The following KIF24 variants were observed in gnomAD, a reference collection of about 807,000 sequenced individuals.
The protein encoded by KIF24 is kinesin-like protein KIF24.
KIF24 carries 81 observed loss-of-function variants against 118.9 expected under a neutral mutation model. The ratio of observed to expected loss-of-function variants is 0.68; its 90% CI spans 0.57 to 0.82. The LOEUF is 0.82. Ranked by LOEUF, KIF24 falls within the 40% of genes least tolerant of loss-of-function variation. KIF24 has a pLI of 0.00. For missense variants in KIF24, 1,560 were observed against 1,661.6 expected, an observed-to-expected ratio of 0.94 and a Z score of 1.06; for synonymous variants, 599 against 610.0, an observed-to-expected ratio of 0.98 and a Z score of 0.27.
At chr9:34,268,765 C>A (rs1835390286) in intron 8 of KIF24, among the ~76,000 whole-genome samples, 1 of 152,124 alleles carries the variant, frequency 6.6e-6, no homozygotes, top group South Asian at 2.1e-4. Flanking sequence ...GCCCTGGCCT[C>A]CCAAAGTGCT....
At chr9:34,309,556 A>AG (rs923483227) in intron 2 of KIF24, among the ~76,000 whole-genome samples, 16 of 151,706 alleles carry the variant, frequency 1.1e-4, no homozygotes, top group East Asian at 1.9e-4. Flanking sequence ...AAAAAAAAAA[A>AG]AAAAGAAAAT....
chr9:34,255,676 G>C, intron 11 of KIF24, 59 bp downstream of exon 11: 1 of 1,417,190 alleles, frequency 7.1e-7, no homozygotes, highest in Non-Finnish European at 9.6e-7. Context: ...AAAACAGTAA[G>C]CTGGAGTGGA....
chr9:34,317,327 T>C (rs761350535), intron 1 of KIF24, among the ~76,000 whole-genome samples: 1 of 151,778 alleles, frequency 6.6e-6, no homozygotes, highest in African/African-American at 2.4e-5. Context: ...GAGGCGGACA[T>C]TGCAGTGAGC....
intron 4 of KIF24, among the ~76,000 whole-genome samples, chr9:34,295,359 C>T (rs959480025): frequency 6.6e-6 from 1 of 152,056 alleles, no homozygotes; most frequent in Admixed American, 6.6e-5. Context: ...AGGTGCACAT[C>T]ACCATGCCTG....
intron 2 of KIF24, 129 bp from the exon 3 acceptor site, chr9:34,306,570 A>T (rs922934783): frequency 2.2e-5 from 13 of 599,302 alleles, no homozygotes; most frequent in Non-Finnish European, 3.8e-5. Flanking sequence ...TGAGAGGCCG[A>T]GGTGGGCGGA....
chr9:34,299,990 TC>T (rs1197803620), intron 3 of KIF24, among the ~76,000 whole-genome samples: 2 of 152,076 alleles, frequency 1.3e-5, no homozygotes, highest in African/African-American at 4.8e-5. Context: ...AAATATCTAG[TC>T]AAGAAAAAAT....
At chr9:34,310,694 C>G in intron 2 of KIF24, 30 bp downstream of exon 2, 1 of 1,536,468 alleles carries the variant, frequency 6.5e-7, no homozygotes. Context: ...GCTACTTTCC[C>G]TCAAAAGAAA....
At chr9:34,291,293 G>A (rs1461941906) in intron 4 of KIF24, among the ~76,000 whole-genome samples, 1 of 152,136 alleles carries the variant, frequency 6.6e-6, no homozygotes, top group Non-Finnish European at 1.5e-5. Flanking sequence ...GGAATAGCGT[G>A]AACAGAGGCC....
At chr9:34,319,439 C>CCT (rs777457772) in intron 1 of KIF24, 5 of 1,118,450 alleles carry the variant, frequency 4.5e-6, no homozygotes, top group Non-Finnish European at 5.4e-6. Flanking sequence ...AGGACCTGTA[C>CCT]CTGACCAGCG....
Position 34,318,606 on chromosome 9 carries a change from TG to T in KIF24, c.-25-7236del. The T allele has an allele frequency of 6.8e-7, 1 of 1,473,922 alleles. No homozygotes were observed. Among genetic ancestry groups the T allele is most frequent in the Non-Finnish European group, 9.3e-7 (1 of 1,069,670 alleles). 91.3% of individuals were successfully genotyped at this position (1,473,922 alleles called of 1,614,324 possible). ...AAGGACCAGGCGGTGGAGAACATCCTGGTGTCGCCCGTGGTGGTGGCCTCGT... is the reference window on the plus strand; with the variant it reads ...AAGGACCAGGCGGTGGAGAACATCCTGTGTCGCCCGTGGTGGTGGCCTCGT... On this transcript the variant is annotated intron_variant, in intron 1 of 12. Coordinates refer to ENST00000402558, the MANE Select transcript of KIF24 (RefSeq NM_194313.4). This position sits in a 1 kb window ranked among gnomAD's most constrained non-coding sequence, Gnocchi z 4.9.
chr9:34,319,444 C>T (rs774023641), intron 1 of KIF24: 9 of 1,147,884 alleles, frequency 7.8e-6, no homozygotes, highest in Admixed American at 1.8e-5. Flanking sequence ...CTGTACCTGA[C>T]CAGCGTGTTC....
intron 1 of KIF24, among the ~76,000 whole-genome samples, chr9:34,326,388 T>C (rs1837673789): frequency 6.6e-6 from 1 of 152,036 alleles, no homozygotes; most frequent in African/African-American, 2.4e-5. Flanking sequence ...ACAGATAAGG[T>C]CCCTGCCCTC....
rs1834889679 is a variant in KIF24 at position 34,257,298 on chromosome 9, T to C, written c.2309A>G (p.Gln770Arg). The change falls in exon 11 of 13, where the codon CAG becomes CGG. Residue 770 changes from glutamine to arginine, a missense_variant. Physicochemically the swap from Gln to Arg is conservative, Grantham distance 43. Transcript: ENST00000402558. ...REEHLRFYHQ[Q>R]FQQPPLLQQK... ...TTGGAGGAGAGGTGGCTGTTGGAAC[T>C]GCTGGTGATAGAAACGCAGATGTTC... is the stretch of plus-strand genomic sequence containing the variant. 6.2e-7 allele frequency: 1 copy of C among 1,613,968 alleles called. No homozygotes were observed. Among genetic ancestry groups the C allele is most frequent in the African/African-American group, 1.3e-5 (1 of 74,958 alleles).
At chr9:34,259,426 C>A (rs28368568) in intron 10 of KIF24, among the ~76,000 whole-genome samples, 170 bp downstream of exon 10, 3 of 152,226 alleles carry the variant, frequency 2.0e-5, no homozygotes, top group Non-Finnish European at 4.4e-5. Flanking sequence ...GACTAATTGC[C>A]AAGAACAAGG....
At chr9:34,327,837 A>AT in intron 1 of KIF24, among the ~76,000 whole-genome samples, 1 of 68,534 alleles carries the variant, frequency 1.5e-5, no homozygotes, top group Non-Finnish European at 3.9e-5. Flanking sequence ...ATTTTCTCTA[A>AT]TAAAAAAAAA....
rs530477319 is a variant in KIF24, at chr9:34,256,117, G to A, written c.3490C>T (p.His1164Tyr). Residue 1164 changes from histidine to tyrosine, a missense_variant, in exon 11 of 13, where the codon CAC becomes TAC. By Grantham distance (83) the His-to-Tyr change is moderately conservative. Around this residue, in one of 3 missense-constraint regions of KIF24, gnomAD observed 591 missense variants for 655.6 expected, o/e 0.90. Transcript: ENST00000402558. The stretch of plus-strand genomic sequence containing the variant: ...TACTGCTCACTACCCATGTGTTCGT[G>A]GGAGAAAAGTACAGTCTCTCTGCTC... ...CQSRETVLFS[H>Y]EHMGSEQYDA... 1.2e-6 allele frequency: 2 copies of A among 1,610,172 alleles called. No homozygotes were observed. The highest frequency in any genetic ancestry group is 4.5e-5 in the East Asian group (2 of 44,740).
At position 34,253,407 on chromosome 9, in the gene KIF24, T is replaced by TG. The variant is rs113851298; in HGVS notation, c.*972dup. On this transcript the variant is annotated 3_prime_UTR_variant, in exon 13 of 13. Transcript: ENST00000402558. ...AAAAAGATACACAGCAGGCAGAACTTGGCTGAAGGTTTGTGTGTGAATTCT... is the reference window on the plus strand; with the variant it reads ...AAAAAGATACACAGCAGGCAGAACTTGGGCTGAAGGTTTGTGTGTGAATTCT... The TG allele has an allele frequency of 1.3e-5, 2 of 152,216 alleles. No individual in the cohort carries two copies. Among genetic ancestry groups the TG allele is most frequent in the African/African-American group, 4.8e-5 (2 of 41,420 alleles). The allele number at this position is 152,216 out of a possible 1,614,324, so 9.4% of individuals were successfully genotyped here. A position where few individuals can be genotyped will look rare whatever the true frequency, so the allele number is the denominator to read the frequency against.
intron 8 of KIF24, among the ~76,000 whole-genome samples, chr9:34,268,747 A>T (rs925615387): frequency 5.9e-5 from 9 of 152,070 alleles, no homozygotes; most frequent in Admixed American, 2.6e-4. Context: ...ACCTCAAGTT[A>T]TCCACCTGCC....
intron 2 of KIF24, among the ~76,000 whole-genome samples, chr9:34,307,641 G>A (rs1836975842): frequency 1.3e-5 from 2 of 151,858 alleles, no homozygotes; most frequent in Admixed American, 6.6e-5. Context: ...GGCCAGGTGC[G>A]GTGGCTCACG....
Sources: allele counts gnomAD v4.1 joint callset (sites outside exome capture counted in the v4.1 genomes callset), GRCh38; gene constraint gnomAD v4.1.1; regional missense constraint gnomAD v4.1.1; non-coding constraint Gnocchi (gnomAD v3.1); transcripts MANE v1.5; gene names NCBI Gene and HGNC (gene_info 2026-07-23, HGNC 2026-07-21).